The following STPG2 variants were observed in gnomAD, a reference collection of about 807,000 sequenced individuals.
The protein encoded by STPG2 is sperm-tail PG-rich repeat-containing protein 2.
Under a neutral mutation model 54.2 loss-of-function variants are expected in STPG2, and 56 were observed. The observed-to-expected ratio is 1.03, with a 90% CI of 0.83 to 1.29. STPG2 has a LOEUF of 1.29. STPG2 is among the 50% of genes most tolerant of loss of function. The pLI, the probability that STPG2 is intolerant of heterozygous loss-of-function variation, is 0.00. For synonymous variants in STPG2, 200 were observed against 181.8 expected, an observed-to-expected ratio of 1.10 and a Z score of -0.81; for missense variants, 596 against 544.9, an observed-to-expected ratio of 1.09 and a Z score of -0.93.
intron 5 of STPG2, among the ~76,000 whole-genome samples, chr4:98,056,375 C>G (rs1275485984): frequency 6.6e-6 from 1 of 152,188 alleles, no homozygotes; most frequent in Non-Finnish European, 1.5e-5. Flanking sequence ...CAGGCCTCCA[C>G]CACTGTGGTG....
intron 10 of STPG2, among the ~76,000 whole-genome samples, chr4:97,629,435 T>A (rs1429331703): frequency 2.6e-5 from 4 of 151,980 alleles, no homozygotes; most frequent in South Asian, 2.1e-4. Context: ...GATAGACAAG[T>A]GTGGATTCCT....
intron 5 of STPG2, among the ~76,000 whole-genome samples, chr4:98,059,789 A>G (rs1033562753): frequency 1.3e-5 from 2 of 152,224 alleles, no homozygotes; most frequent in African/African-American, 2.4e-5. Flanking sequence ...GATTCATCAC[A>G]TAAACAGGAT....
At chr4:97,467,415 C>T (rs1303267210) in intron 4 of STPG2, among the ~76,000 whole-genome samples, 1 of 151,882 alleles carries the variant, frequency 6.6e-6, no homozygotes, top group South Asian at 2.1e-4. Flanking sequence ...CAAGCATCAT[C>T]ATTCAATACT....
intron 9 of STPG2, among the ~76,000 whole-genome samples, chr4:97,789,778 G>A (rs756547767): frequency 2.6e-5 from 4 of 152,044 alleles, no homozygotes; most frequent in Non-Finnish European, 5.9e-5. Context: ...AAAGACCATC[G>A]TGGAAAACGT....
intron 8 of STPG2, among the ~76,000 whole-genome samples, chr4:97,902,988 A>T (rs1244662510): frequency 6.6e-6 from 1 of 152,160 alleles, no homozygotes; most frequent in Non-Finnish European, 1.5e-5. Flanking sequence ...AAAAGTTTGC[A>T]TGATCTCACT....
At chr4:97,675,715 A>T (rs1312912719) in intron 10 of STPG2, among the ~76,000 whole-genome samples, 1 of 151,254 alleles carries the variant, frequency 6.6e-6, no homozygotes, top group Non-Finnish European at 1.5e-5. Flanking sequence ...TTTATATATG[A>T]AGCCACCTTC....
At chr4:97,485,920 C>T (rs990410274) in intron 4 of STPG2, among the ~76,000 whole-genome samples, 4 of 151,538 alleles carry the variant, frequency 2.6e-5, no homozygotes, top group African/African-American at 4.8e-5. Flanking sequence ...TTCAACAAAG[C>T]GAACAAAAAT....
At chr4:97,934,950 C>A (rs1732694319) in intron 8 of STPG2, among the ~76,000 whole-genome samples, 2 of 152,102 alleles carry the variant, frequency 1.3e-5, no homozygotes, top group Admixed American at 1.3e-4. Flanking sequence ...CCTCTTTGTA[C>A]CTCTAGTAGA....
At chr4:98,081,845 T>G (rs1379350745) in intron 5 of STPG2, among the ~76,000 whole-genome samples, 1 of 152,190 alleles carries the variant, frequency 6.6e-6, no homozygotes, top group Non-Finnish European at 1.5e-5. Flanking sequence ...CTTTATAAAC[T>G]TAGCAAAGGA....
At chr4:97,552,811 G>A (rs1265788810) in intron 4 of STPG2, among the ~76,000 whole-genome samples, 1 of 152,012 alleles carries the variant, frequency 6.6e-6, no homozygotes, top group Non-Finnish European at 1.5e-5. Context: ...CTTTTTTCAA[G>A]TTCTCAATGC....
chr4:97,991,965 C>G (rs1378326955), intron 5 of STPG2, among the ~76,000 whole-genome samples: 4 of 151,356 alleles, frequency 2.6e-5, no homozygotes, highest in Admixed American at 6.6e-5. Flanking sequence ...TTCTTTCTTG[C>G]TGATTAGAGT....
At chr4:97,936,078 T>C (rs1010359238) in intron 8 of STPG2, among the ~76,000 whole-genome samples, 1 of 152,234 alleles carries the variant, frequency 6.6e-6, no homozygotes, top group African/African-American at 2.4e-5. Context: ...TGGGTGCATA[T>C]ATATTTAGGA....
chr4:97,989,109 A>C (rs145647578), intron 5 of STPG2, among the ~76,000 whole-genome samples: 50 of 152,348 alleles, frequency 3.3e-4, no homozygotes, highest in Middle Eastern at 3.4e-3. Flanking sequence ...GATTCTTGCC[A>C]TTATTTGCTG....
At chr4:97,834,192 G>C (rs1303169195) in intron 9 of STPG2, among the ~76,000 whole-genome samples, 1 of 152,120 alleles carries the variant, frequency 6.6e-6, no homozygotes, top group Non-Finnish European at 1.5e-5. Flanking sequence ...AAAAGAATGA[G>C]TTAATGTCCT....
At chr4:97,733,550 CA>C (rs376300895) in intron 9 of STPG2, among the ~76,000 whole-genome samples, 134 of 144,566 alleles carry the variant, frequency 9.3e-4, no homozygotes, top group Middle Eastern at 3.5e-3. Flanking sequence ...ATTCGTGTAA[CA>C]AAAAAAAAAC....
intron 8 of STPG2, among the ~76,000 whole-genome samples, chr4:97,846,993 C>A (rs1271733569): frequency 6.6e-6 from 1 of 152,094 alleles, no homozygotes; most frequent in Non-Finnish European, 1.5e-5. Flanking sequence ...TCATATAGAA[C>A]TTCTTTTACA....
At chr4:97,615,427 T>C (rs1434408254) in intron 10 of STPG2, among the ~76,000 whole-genome samples, 1 of 152,104 alleles carries the variant, frequency 6.6e-6, no homozygotes, top group Admixed American at 6.6e-5. Flanking sequence ...TTTACTAATC[T>C]TTCCCATTCA....
intron 8 of STPG2, among the ~76,000 whole-genome samples, chr4:97,872,140 T>C (rs1471843858): frequency 6.6e-6 from 1 of 151,054 alleles, no homozygotes; most frequent in African/African-American, 2.4e-5. Flanking sequence ...AATAAAATAC[T>C]TTATTGATAA....
At chr4:97,486,860 AACACACACACACACACAC>A (rs772458069) in intron 4 of STPG2, among the ~76,000 whole-genome samples, 1 of 125,578 alleles carries the variant, frequency 8.0e-6, no homozygotes, top group African/African-American at 3.0e-5. Flanking sequence ...TATGTATACA[AACACACACACACACACAC>A]ACACACACAC....
Sources: gnomAD v4.1 joint callset for allele counts (sites outside exome capture counted in the v4.1 genomes callset) on GRCh38, gnomAD v4.1.1 for gene constraint, MANE v1.5 for transcripts, NCBI Gene and HGNC (gene_info 2026-07-23, HGNC 2026-07-21) for gene names.